The following VPS35L variants were observed in gnomAD, a reference collection of about 807,000 sequenced individuals.
VPS35L encodes the protein VPS35 endosomal protein sorting factor like, also known as VPS35 endosomal protein-sorting factor-like.
Under a neutral mutation model 133.0 loss-of-function variants are expected in VPS35L, and 83 were observed. The ratio of observed to expected loss-of-function variants is 0.62; its 90% confidence interval spans 0.52 to 0.75. VPS35L has a LOEUF of 0.75. Among genes scored for constraint, VPS35L ranks in the 30% least tolerant of loss-of-function variants. VPS35L has a pLI of 0.00. For missense variants in VPS35L, 1,083 were observed against 1,206.8 expected (o/e 0.90, Z 1.52); for synonymous variants, 423 against 449.9 (o/e 0.94, Z 0.76).
chr16:19,621,197 G>A (rs1973069001), intron 14 of VPS35L, among the ~76,000 whole-genome samples: 1 of 152,074 alleles, frequency 6.6e-6, no homozygotes, highest in Non-Finnish European at 1.5e-5. Context: ...ATCCCATTGT[G>A]TAAAAACAAA....
At chr16:19,620,676 C>T (rs993325935) in intron 14 of VPS35L, among the ~76,000 whole-genome samples, 3 of 152,088 alleles carry the variant, frequency 2.0e-5, no homozygotes, top group Admixed American at 6.5e-5. Flanking sequence ...TTAGGCCAGG[C>T]GTGGTGGCAC....
chr16:19,610,484 C>A (rs1207218034), intron 12 of VPS35L, 69 bp downstream of exon 12: 3 of 1,200,550 alleles, frequency 2.5e-6, no homozygotes, highest in African/African-American at 1.5e-5. Context: ...TCACACAGGG[C>A]CCTCCTTCCC....
At chr16:19,580,661 A>T (rs151146237) in intron 6 of VPS35L, among the ~76,000 whole-genome samples, 2 of 151,858 alleles carry the variant, frequency 1.3e-5, no homozygotes, top group Non-Finnish European at 2.9e-5. Flanking sequence ...GGTTTTTGCT[A>T]TGGTTGTCTT....
chr16:19,616,037 A>G (rs1265600079), intron 12 of VPS35L, 77 bp from the exon 13 acceptor site: 3 of 956,544 alleles, frequency 3.1e-6, no homozygotes, highest in African/African-American at 1.7e-5. Context: ...ATAGGTATAT[A>G]TATTTTTTAA....
At chr16:19,692,999 C>T (rs1404673073) in intron 29 of VPS35L, among the ~76,000 whole-genome samples, 7 of 152,204 alleles carry the variant, frequency 4.6e-5, no homozygotes, top group South Asian at 2.1e-4. Context: ...ACCTACATAC[C>T]CAACAGTTGC....
intron 12 of VPS35L, among the ~76,000 whole-genome samples, chr16:19,614,609 C>T (rs897297492): frequency 6.6e-6 from 1 of 152,212 alleles, no homozygotes; most frequent in African/African-American, 2.4e-5. Flanking sequence ...AAGAGTTTCA[C>T]CATGTTGACC....
At chr16:19,604,762 T>C (rs552679187) in intron 9 of VPS35L, among the ~76,000 whole-genome samples, 161 of 152,320 alleles carry the variant, frequency 1.1e-3, no homozygotes, top group African/African-American at 3.8e-3. Flanking sequence ...TTCTGTTGGG[T>C]GAATTTCATA....
In VPS35L at chr16:19,662,425, G is replaced by A. The variant is rs138595430; in HGVS notation, c.2222-6735G>A. 4.4e-3 allele frequency among the ~76,000 whole-genome samples: 677 copies of A among 152,262 alleles called. 2 individuals are homozygous for A. Among genetic ancestry groups the A allele is most frequent in the South Asian group, 0.031 (149 of 4,828 alleles). ...CCAGTGACGGATAAAAGACTGACAC[G>A]GATATTTTGCCTGTCAGCATGGCTA... On this transcript the variant is annotated intron_variant, in intron 26 of 30. Transcript: ENST00000417362.
At chr16:19,637,066 TAA>T (rs527691010) in intron 19 of VPS35L, among the ~76,000 whole-genome samples, 326 of 152,382 alleles carry the variant, frequency 2.1e-3, no homozygotes, top group Middle Eastern at 0.017. Context: ...TTTTTGTGAA[TAA>T]AGTTTTATTG....
At chr16:19,650,206 A>G (rs1290059728) in intron 24 of VPS35L, among the ~76,000 whole-genome samples, 176 bp from the exon 25 acceptor site, 1 of 152,150 alleles carries the variant, frequency 6.6e-6, no homozygotes, top group Non-Finnish European at 1.5e-5. Context: ...TCAAGCCATG[A>G]TTGGATCAGG....
chr16:19,627,770 A>G lies in VPS35L; in HGVS notation c.1348A>G (p.Met450Val), dbSNP rs1406407995. 1 of 1,613,814 alleles carries G rather than the reference A, an allele frequency of 6.2e-7. No homozygotes were observed. Among genetic ancestry groups the G allele is most frequent in the Non-Finnish European group, 8.5e-7 (1 of 1,179,722 alleles). Reference sequence around the variant, plus strand: ...CACAAGGTCTATGGATTTCATTGGCATGATTAAAGAGTGTGATGAATCTGG... The same window carrying G: ...CACAAGGTCTATGGATTTCATTGGCGTGATTAAAGAGTGTGATGAATCTGG... ...IATRSMDFIG[M>V]IKECDESGFP... The change falls in exon 16 of 31, where the codon ATG (methionine) becomes GTG (valine). Residue 450 changes from methionine to valine, a missense_variant. Transcript: ENST00000417362.
chr16:19,602,741 T>C (rs1446879976), intron 9 of VPS35L, among the ~76,000 whole-genome samples: 1 of 152,110 alleles, frequency 6.6e-6, no homozygotes, highest in African/African-American at 2.4e-5. Context: ...TAGCTGGGAC[T>C]ACTGGTGCCT....
chr16:19,676,815 T>G (rs1975078750), intron 27 of VPS35L, among the ~76,000 whole-genome samples: 1 of 152,146 alleles, frequency 6.6e-6, no homozygotes, highest in Non-Finnish European at 1.5e-5. Flanking sequence ...AGACTTCATG[T>G]TAAACAAATA....
At chr16:19,665,230 A>C (rs547238250) in intron 26 of VPS35L, among the ~76,000 whole-genome samples, 1 of 152,294 alleles carries the variant, frequency 6.6e-6, no homozygotes, top group Admixed American at 6.5e-5. Flanking sequence ...TAAATTATTG[A>C]CTAGAGTCAC....
At chr16:19,582,848 A>C (rs7190644) in intron 7 of VPS35L, among the ~76,000 whole-genome samples, 1 of 152,104 alleles carries the variant, frequency 6.6e-6, no homozygotes, top group Non-Finnish European at 1.5e-5. Context: ...TCAACAATAC[A>C]TTAAGGACTG....
chr16:19,691,811 T>C (rs1200071220), intron 29 of VPS35L, among the ~76,000 whole-genome samples: 3 of 131,782 alleles, frequency 2.3e-5, no homozygotes, highest in Non-Finnish European at 4.6e-5. Flanking sequence ...CCGTCTGAAA[T>C]GTTCTGTCTG....
intron 26 of VPS35L, among the ~76,000 whole-genome samples, chr16:19,663,031 C>G (rs1003076342): frequency 6.6e-6 from 1 of 151,886 alleles, no homozygotes; most frequent in Non-Finnish European, 1.5e-5. Context: ...AATAATAGGC[C>G]GGGCACAGTG....
intron 25 of VPS35L, among the ~76,000 whole-genome samples, chr16:19,651,151 G>A (rs1974111421): frequency 6.6e-6 from 1 of 152,066 alleles, no homozygotes; most frequent in Non-Finnish European, 1.5e-5. Flanking sequence ...CAAAGTGCTG[G>A]GATTACAGGC....
intron 15 of VPS35L, 31 bp from the exon 16 acceptor site, chr16:19,627,663 C>T: frequency 6.6e-7 from 1 of 1,520,796 alleles, no homozygotes; most frequent in Non-Finnish European, 9.1e-7. Flanking sequence ...TGAGGAGAAG[C>T]CAGGCTGACT....
Sources: allele counts gnomAD v4.1 joint callset (sites outside exome capture counted in the v4.1 genomes callset), GRCh38; gene constraint gnomAD v4.1.1; transcripts MANE v1.5; gene names NCBI Gene and HGNC (gene_info 2026-07-23, HGNC 2026-07-21).